Variants in VPS39 observed in about 807,000 individuals in gnomAD.
The protein encoded by VPS39 is vam6/Vps39-like protein.
Under a neutral mutation model 121.0 loss-of-function variants are expected in VPS39, and 70 were observed. The observed-to-expected ratio is 0.58, with a 90% CI of 0.48 to 0.71. VPS39 has a LOEUF of 0.71. Among genes scored for constraint, VPS39 ranks in the 30% least tolerant of loss-of-function variants. VPS39 has a pLI of 0.00. For synonymous variants in VPS39, 378 were observed against 398.1 expected (o/e 0.95, Z 0.60); for missense variants, 818 against 1,051.5 (o/e 0.78, Z 3.07).
chr15:42,166,150 G>A lies in VPS39; in HGVS notation c.1680+9C>T. The A allele has an allele frequency of 1.9e-6, 3 of 1,613,484 alleles. No individual in the cohort carries two copies. The highest frequency in any genetic ancestry group is 2.2e-5 in the South Asian group (2 of 91,068). On this transcript the variant is annotated intron_variant, in intron 16 of 24. Coordinates refer to ENST00000318006, the MANE Select transcript of VPS39 (RefSeq NM_015289.5). ...TACCAGATAAATCCAAGGGACTCCT[G>A]TGGCTCACCTTCAGGCCATCTTCTG...
At chr15:42,200,854 G>A (rs2138831) in intron 1 of VPS39, among the ~76,000 whole-genome samples, 35,253 of 152,062 alleles carry the variant, frequency 0.23, 5,397 homozygotes, top group African/African-American at 0.42. Flanking sequence ...TCTATATAAC[G>A]GAATATTAGC....
intron 1 of VPS39, among the ~76,000 whole-genome samples, chr15:42,200,171 T>C (rs940545956): frequency 6.6e-6 from 1 of 152,174 alleles, no homozygotes; most frequent in Non-Finnish European, 1.5e-5. Context: ...TAAAAACACA[T>C]TTATTGAATA....
chr15:42,165,314 C>T, intron 17 of VPS39: 1 of 591,078 alleles, frequency 1.7e-6, no homozygotes, highest in African/African-American at 1.9e-5. Flanking sequence ...GCCATCTTCT[C>T]AATTACTAAA....
intron 20 of VPS39, 63 bp downstream of exon 20, chr15:42,163,563 C>G: frequency 1.3e-6 from 2 of 1,542,192 alleles, no homozygotes; most frequent in Non-Finnish European, 1.8e-6. Context: ...CTTCTTAACT[C>G]TCATCTCTCT....
chr15:42,198,170 A>G (rs1380319665), intron 2 of VPS39, among the ~76,000 whole-genome samples: 1 of 152,220 alleles, frequency 6.6e-6, no homozygotes, highest in Non-Finnish European at 1.5e-5. Flanking sequence ...GACTTCATTT[A>G]TAAAGTCTTG....
At position 42,166,635 on chromosome 15, in the gene VPS39, C is replaced by G. The variant is rs1413010645; in HGVS notation, c.1534G>C (p.Val512Leu). Residue 512 changes from valine to leucine, a missense_variant, in exon 15 of 25, where the codon GTG becomes CTG. Val to Leu is a conservative substitution (Grantham distance 32). Coordinates refer to ENST00000318006, the MANE Select transcript of VPS39 (RefSeq NM_015289.5). Reference protein sequence around the residue: ...GLHEKALQVLVDQSKKANSPL... With the variant: ...GLHEKALQVLLDQSKKANSPL... ...GAGTTGGCTTTCTTGGACTGGTCCA[C>G]GAGCACCTGCAGAGCTGGCCACCAA... 1.9e-6 allele frequency: 3 copies of G among 1,614,182 alleles called. No homozygotes were observed. The highest frequency in any genetic ancestry group is 1.6e-4 in the Middle Eastern group (1 of 6,062).
In VPS39 at chr15:42,187,742, G is replaced by A. The variant is rs1314388083; in HGVS notation, c.441+16C>T. 1.9e-6 allele frequency: 3 copies of A among 1,613,518 alleles called. No individual in the cohort carries two copies. The highest frequency in any genetic ancestry group is 1.7e-5 in the Admixed American group (1 of 60,010). On this transcript the variant is annotated intron_variant, in intron 6 of 24. Transcript: ENST00000318006. ...CAGCTCCCACCCAACCATGGACCAA[G>A]GAACAGTGGACTTACCTGCAATTCA...
At chr15:42,163,432 G>A (rs765015000) in intron 20 of VPS39, 37 bp from the exon 21 acceptor site, 8 of 1,612,908 alleles carry the variant, frequency 5.0e-6, no homozygotes, top group Admixed American at 3.3e-5. Context: ...GGTGGTGTGA[G>A]GGGGGCACAT....
chr15:42,166,504 G>A, intron 15 of VPS39, 59 bp downstream of exon 15: 2 of 1,578,780 alleles, frequency 1.3e-6, no homozygotes, highest in Non-Finnish European at 1.7e-6. Flanking sequence ...CAGAAACAGA[G>A]GGAGACCAGG....
intron 7 of VPS39, among the ~76,000 whole-genome samples, chr15:42,185,034 T>TATG (rs1174886766): frequency 6.6e-6 from 1 of 152,204 alleles, no homozygotes; most frequent in Non-Finnish European, 1.5e-5. Context: ...ACACTTGCCA[T>TATG]ATGCCCCTTA....
chr15:42,208,207 G>T lies in VPS39; in HGVS notation c.-54C>A. On this transcript the variant is annotated 5_prime_UTR_variant, in exon 1 of 25. Transcript: ENST00000318006. Reference sequence around the variant, plus strand: ...TCTCGCCCAGAGTGTTCCGGGCCGGGCTGGGGTCCGGAACGAGTCTGGGCT... The same window carrying T: ...TCTCGCCCAGAGTGTTCCGGGCCGGTCTGGGGTCCGGAACGAGTCTGGGCT... 1 of 1,550,300 alleles carries T rather than the reference G, an allele frequency of 6.5e-7. No individual in the cohort carries two copies. Among genetic ancestry groups the T allele is most frequent in the Non-Finnish European group, 8.7e-7 (1 of 1,146,266 alleles).
At chr15:42,196,989 C>T (rs1471460731) in intron 2 of VPS39, among the ~76,000 whole-genome samples, 2 of 151,920 alleles carry the variant, frequency 1.3e-5, no homozygotes, top group Admixed American at 1.3e-4. Context: ...GAATACTATG[C>T]AGCCATAAAA....
intron 19 of VPS39, among the ~76,000 whole-genome samples, chr15:42,163,946 A>G (rs946661032): frequency 4.6e-5 from 7 of 152,220 alleles, no homozygotes; most frequent in Non-Finnish European, 1.0e-4. Context: ...GAGGTCACAT[A>G]TAAACTGGGT....
chr15:42,174,019 G>A (rs529343839), intron 10 of VPS39, among the ~76,000 whole-genome samples, 167 bp from the exon 11 acceptor site: 3 of 152,254 alleles, frequency 2.0e-5, no homozygotes, highest in East Asian at 1.9e-4. Flanking sequence ...AGGCCGAGGC[G>A]GGCGGATCAC....
intron 5 of VPS39, among the ~76,000 whole-genome samples, chr15:42,188,348 G>C (rs563162844): frequency 6.6e-6 from 1 of 152,338 alleles, no homozygotes; most frequent in South Asian, 2.1e-4. Context: ...TGAGTAGAGA[G>C]AGGGGTGAGG....
chr15:42,203,160 G>A (rs1318851675), intron 1 of VPS39, among the ~76,000 whole-genome samples: 3 of 151,912 alleles, frequency 2.0e-5, no homozygotes, highest in Non-Finnish European at 4.4e-5. Context: ...GTGAAACCCC[G>A]TCTCTACTAA....
intron 2 of VPS39, 46 bp downstream of exon 2, chr15:42,199,850 G>C: frequency 6.5e-7 from 1 of 1,542,262 alleles, no homozygotes; most frequent in South Asian, 1.2e-5. Context: ...TTGTATACTA[G>C]CTGACTATTA....
intron 4 of VPS39, among the ~76,000 whole-genome samples, chr15:42,189,817 T>TC (rs1196814650): frequency 2.7e-5 from 3 of 109,724 alleles, no homozygotes; most frequent in Non-Finnish European, 4.2e-5. Flanking sequence ...TTTTTTTTTT[T>TC]TTTGAGGCAC....
chr15:42,178,505 T>C lies in VPS39; in HGVS notation c.784A>G (p.Arg262Gly), dbSNP rs2049505343. 1 of 1,614,016 alleles carries C rather than the reference T, an allele frequency of 6.2e-7. No homozygotes were observed. Among genetic ancestry groups the C allele is most frequent in the African/African-American group, 1.3e-5 (1 of 74,902 alleles). Reference protein sequence around the residue: ...RYVEIRTFEPRLLVQSIELQR... With the variant: ...RYVEIRTFEPGLLVQSIELQR... ...AATTCAATGCTTTGGACCAGAAGCC[T>C]CGGTTCAAATGTTCGGATCTCAACA... is the stretch of plus-strand genomic sequence containing the variant. The change falls in exon 9 of 25, where the codon AGG becomes GGG. Residue 262 changes from arginine to glycine, a missense_variant. Coordinates refer to ENST00000318006, the MANE Select transcript of VPS39 (RefSeq NM_015289.5).
Sources: gnomAD v4.1 joint callset for allele counts (sites outside exome capture counted in the v4.1 genomes callset) on GRCh38, gnomAD v4.1.1 for gene constraint, MANE v1.5 for transcripts, NCBI Gene and HGNC (gene_info 2026-07-23, HGNC 2026-07-21) for gene names.